The following OGDH variants were observed in gnomAD, a reference collection of about 807,000 sequenced individuals.
OGDH encodes the protein 2-oxoglutarate dehydrogenase complex component E1.
Under a neutral mutation model 116.6 loss-of-function variants are expected in OGDH, and 38 were observed. The ratio of observed to expected loss-of-function variants is 0.33; its 90% CI spans 0.25 to 0.43. The LOEUF (loss-of-function observed/expected upper bound fraction) is 0.43. Among genes scored for constraint, OGDH ranks in the 20% least tolerant of loss-of-function variants. The probability of loss-of-function intolerance (pLI) is 1.00; values close to 1 mark genes in which losing one functional copy is unlikely to be tolerated. For synonymous variants in OGDH, 488 were observed against 533.3 expected (o/e 0.92, Z 1.17); for missense variants, 825 against 1,357.2 (o/e 0.61, Z 6.16).
chr7:44,651,978 A>G (rs1386744218), intron 4 of OGDH, among the ~76,000 whole-genome samples: 1 of 152,186 alleles, frequency 6.6e-6, no homozygotes, highest in Non-Finnish European at 1.5e-5. Flanking sequence ...TGCTGGGATT[A>G]CAGGAGTGAG....
chr7:44,626,016 G>A (rs1283276888), intron 2 of OGDH, among the ~76,000 whole-genome samples: 1 of 151,996 alleles, frequency 6.6e-6, no homozygotes, highest in African/African-American at 2.4e-5. Context: ...TCCCATGACT[G>A]CTGGGCCACC....
intron 20 of OGDH, 42 bp downstream of exon 20, chr7:44,701,657 G>C: frequency 6.4e-7 from 1 of 1,554,302 alleles, no homozygotes; most frequent in Admixed American, 1.7e-5. Flanking sequence ...GGGAAGCTAT[G>C]TTTGGGGCTT....
chr7:44,702,362 A>G (rs1788871260), intron 20 of OGDH, among the ~76,000 whole-genome samples: 1 of 152,188 alleles, frequency 6.6e-6, no homozygotes, highest in Non-Finnish European at 1.5e-5. Flanking sequence ...GGTCCTGCCA[A>G]GTCACATGCC....
At chr7:44,679,157 C>T (rs955115171) in intron 9 of OGDH, among the ~76,000 whole-genome samples, 1 of 152,166 alleles carries the variant, frequency 6.6e-6, no homozygotes, top group Non-Finnish European at 1.5e-5. Flanking sequence ...CCAGGATGAT[C>T]AAGAGCAAAT....
intron 8 of OGDH, 85 bp downstream of exon 8, chr7:44,675,353 C>CGG: frequency 9.0e-7 from 1 of 1,109,144 alleles, no homozygotes; most frequent in Non-Finnish European, 1.4e-6. Flanking sequence ...GAATGACTTA[C>CGG]GGGGGGTTGG....
chr7:44,608,324 C>CA (rs1350842442), intron 1 of OGDH, among the ~76,000 whole-genome samples: 2 of 152,092 alleles, frequency 1.3e-5, no homozygotes, highest in Non-Finnish European at 2.9e-5. Context: ...GGGAGGATGG[C>CA]ATGAGCCAGG....
chr7:44,691,531 CAA>C lies in OGDH; in HGVS notation c.1336-2277_1336-2276del, dbSNP rs56021103. 8.9e-3 allele frequency among the ~76,000 whole-genome samples: 694 copies of C among 77,636 alleles called. 1 individual carries two copies. Among genetic ancestry groups the C allele is most frequent in the Middle Eastern group, 0.025 (3 of 122 alleles). 50.9% of individuals were successfully genotyped at this position (77,636 alleles called of 152,430 possible). On this transcript the variant is annotated intron_variant, in intron 10 of 22. Transcript: ENST00000222673. The stretch of plus-strand genomic sequence containing the variant: ...TGGGCAACAGAGTGAGACCTTCTCT[CAA>C]AAAAAAAAAAAAAAAAGGTTTTTGT...
intron 10 of OGDH, among the ~76,000 whole-genome samples, chr7:44,692,914 A>G (rs1420171804): frequency 6.6e-6 from 1 of 151,826 alleles, no homozygotes; most frequent in Non-Finnish European, 1.5e-5. Flanking sequence ...GTGCACACCT[A>G]TAACACCAGC....
In OGDH at chr7:44,681,903, C is replaced by T. The variant is rs201722841; in HGVS notation, c.1335+55C>T. 132 of 1,592,604 alleles carry T rather than the reference C, an allele frequency of 8.3e-5. 1 individual carries two copies. The highest frequency in any genetic ancestry group is 1.1e-4 in the Non-Finnish European group (125 of 1,166,818). On this transcript the variant is annotated intron_variant, in intron 10 of 22. Transcript: ENST00000222673. ...CTCACATCAGTCTTACTTAGAATGA[C>T]ATCTCTGAGTCATTTAGGACGTTCA...
At chr7:44,631,173 AC>A (rs1394194193) in intron 2 of OGDH, among the ~76,000 whole-genome samples, 1 of 152,198 alleles carries the variant, frequency 6.6e-6, no homozygotes, top group African/African-American at 2.4e-5. Context: ...TTTTCAATCC[AC>A]GTTTGGTTGA....
chr7:44,638,079 C>T lies in OGDH; in HGVS notation c.223-7248C>T, dbSNP rs116046892. 4.3e-3 allele frequency among the ~76,000 whole-genome samples: 651 copies of T among 152,268 alleles called. 8 individuals carry two copies. Among genetic ancestry groups the T allele is most frequent in the African/African-American group, 0.014 (593 of 41,538 alleles). On this transcript the variant is annotated intron_variant, in intron 2 of 22. Coordinates refer to ENST00000222673, the MANE Select transcript of OGDH (RefSeq NM_002541.4). ...ACTTACCTTAACATTTTAACCTTTT[C>T]CCCCTTATCAGTGACATTGTCATTG...
intron 4 of OGDH, among the ~76,000 whole-genome samples, chr7:44,649,897 G>T (rs1466395205): frequency 1.3e-5 from 2 of 152,150 alleles, no homozygotes; most frequent in East Asian, 3.9e-4. Flanking sequence ...GAGGTTTGTG[G>T]TTCCAGATTC....
chr7:44,614,426 A>G (rs532039959), intron 1 of OGDH, among the ~76,000 whole-genome samples: 56 of 150,070 alleles, frequency 3.7e-4, no homozygotes, highest in Non-Finnish European at 1.3e-4. Flanking sequence ...GATTTGGGAG[A>G]TTTGTAGCCA....
intron 5 of OGDH, among the ~76,000 whole-genome samples, chr7:44,670,581 T>C (rs1316524423): frequency 6.6e-6 from 1 of 152,210 alleles, no homozygotes; most frequent in Admixed American, 6.5e-5. Flanking sequence ...CCCAAGTGTC[T>C]GTAAAGTTGA....
intron 8 of OGDH, 90 bp downstream of exon 8, chr7:44,675,358 G>A (rs1216137704): frequency 9.4e-7 from 1 of 1,065,732 alleles, no homozygotes; most frequent in South Asian, 1.3e-5. Context: ...ACTTACGGGG[G>A]GTTGGTTCTT....
intron 10 of OGDH, among the ~76,000 whole-genome samples, chr7:44,682,911 G>A (rs1035716814): frequency 1.3e-5 from 2 of 151,806 alleles, no homozygotes; most frequent in Non-Finnish European, 2.9e-5. Flanking sequence ...CACTTTGGGC[G>A]GCCGAGGCAG....
chr7:44,645,283 C>G (rs772044733), intron 2 of OGDH, 44 bp from the exon 3 acceptor site: 1 of 1,569,342 alleles, frequency 6.4e-7, no homozygotes, highest in Non-Finnish European at 8.7e-7. Flanking sequence ...GCATCCTGGA[C>G]TTAGGGGAGC....
At chr7:44,663,994 C>T (rs140747630) in intron 4 of OGDH, among the ~76,000 whole-genome samples, 3 of 151,926 alleles carry the variant, frequency 2.0e-5, no homozygotes, top group East Asian at 1.9e-4. Flanking sequence ...AAATCACAGG[C>T]GATTCTAACA....
intron 2 of OGDH, among the ~76,000 whole-genome samples, chr7:44,630,418 C>A (rs1453778329): frequency 6.6e-6 from 1 of 152,248 alleles, no homozygotes; most frequent in East Asian, 1.9e-4. Flanking sequence ...ATCTGCAGAA[C>A]ACTTTGGTGC....
Sources: allele counts gnomAD v4.1 joint callset (sites outside exome capture counted in the v4.1 genomes callset), GRCh38; gene constraint gnomAD v4.1.1; transcripts MANE v1.5; gene names NCBI Gene and HGNC (gene_info 2026-07-23, HGNC 2026-07-21).